Variants in NTN4 observed in about 807,000 individuals in gnomAD.
NTN4 encodes the protein netrin 4.
A neutral mutation model predicts 73.6 loss-of-function variants in NTN4; 32 were observed. The observed-to-expected ratio is 0.44, with a 90% CI of 0.33 to 0.58. The LOEUF (loss-of-function observed/expected upper bound fraction) is 0.58, where lower values mean the gene tolerates loss of function less well. Among genes scored for constraint, NTN4 ranks in the 20% least tolerant of loss-of-function variants. The pLI is 0.04. For missense variants in NTN4, 654 were observed against 798.3 expected (o/e 0.82, Z 2.18); for synonymous variants, 258 against 287.5 (o/e 0.90, Z 1.04).
intron 2 of NTN4, among the ~76,000 whole-genome samples, chr12:95,771,071 G>C (rs570106026): frequency 6.7e-6 from 1 of 149,018 alleles, no homozygotes; most frequent in Non-Finnish European, 1.5e-5. Context: ...CTCACTGCAA[G>C]CTCCGCCTCC....
chr12:95,784,732 ACTC>A (rs2079155647), intron 2 of NTN4, among the ~76,000 whole-genome samples: 1 of 152,028 alleles, frequency 6.6e-6, no homozygotes, highest in African/African-American at 2.4e-5. Flanking sequence ...GTGCCACTGC[ACTC>A]CAGCCTGGGT....
chr12:95,678,981 C>T (rs373281345), intron 7 of NTN4, among the ~76,000 whole-genome samples: 1 of 152,036 alleles, frequency 6.6e-6, no homozygotes, highest in Admixed American at 6.5e-5. Context: ...TAATGAAAGA[C>T]AGGTAAAACC....
chr12:95,684,475 A>ATTTT (rs200316814), intron 5 of NTN4, among the ~76,000 whole-genome samples: 1 of 148,422 alleles, frequency 6.7e-6, no homozygotes, highest in Non-Finnish European at 1.5e-5. Flanking sequence ...CTTAAAAAAA[A>ATTTT]TTTTTTTTTT....
At chr12:95,690,635 A>C in intron 5 of NTN4, among the ~76,000 whole-genome samples, 1 of 152,262 alleles carries the variant, frequency 6.6e-6, no homozygotes, top group South Asian at 2.1e-4. Context: ...ATAATATGCA[A>C]TATGAATATA....
At chr12:95,678,587 T>A (rs2078292540) in intron 7 of NTN4, among the ~76,000 whole-genome samples, 1 of 152,080 alleles carries the variant, frequency 6.6e-6, no homozygotes, top group Admixed American at 6.6e-5. Flanking sequence ...AATTTCAAAC[T>A]ATTTCCATCA....
chr12:95,676,115 T>A (rs1205489747), intron 7 of NTN4, among the ~76,000 whole-genome samples: 2 of 152,212 alleles, frequency 1.3e-5, no homozygotes, highest in Non-Finnish European at 2.9e-5. Flanking sequence ...TTTGTTTTTT[T>A]GTTTTTGAGA....
chr12:95,708,065 T>C (rs1382985954), intron 5 of NTN4, among the ~76,000 whole-genome samples: 1 of 152,106 alleles, frequency 6.6e-6, no homozygotes, highest in Non-Finnish European at 1.5e-5. Context: ...ACCATTTTGT[T>C]AGCACATGGA....
chr12:95,732,239 TC>T, intron 3 of NTN4, among the ~76,000 whole-genome samples: 1 of 83,764 alleles, frequency 1.2e-5, no homozygotes, highest in Middle Eastern at 6.6e-3. Flanking sequence ...TCTTTCTTTC[TC>T]TGTCTTTCTT....
At chr12:95,680,114 A>G (rs752068412) in intron 7 of NTN4, among the ~76,000 whole-genome samples, 8 of 152,112 alleles carry the variant, frequency 5.3e-5, no homozygotes, top group Non-Finnish European at 1.2e-4. Context: ...TTTCTATTAC[A>G]CTAAACATTC....
chr12:95,721,280 C>CTTCA (rs1249792686), intron 3 of NTN4, among the ~76,000 whole-genome samples: 5 of 152,274 alleles, frequency 3.3e-5, no homozygotes, highest in Admixed American at 3.3e-4. Flanking sequence ...GTGTTCTGTG[C>CTTCA]TTGAATGGAT....
At chr12:95,759,494 T>A (rs531205328) in intron 2 of NTN4, among the ~76,000 whole-genome samples, 1 of 150,620 alleles carries the variant, frequency 6.6e-6, no homozygotes, top group Admixed American at 6.6e-5. Flanking sequence ...TATTTTTGTT[T>A]TTTTTTTTTT....
intron 3 of NTN4, among the ~76,000 whole-genome samples, chr12:95,727,913 C>A (rs1457796047): frequency 6.6e-6 from 1 of 152,062 alleles, no homozygotes; most frequent in African/African-American, 2.4e-5. Context: ...TAATATTAAG[C>A]CTTCTAATTA....
chr12:95,771,225 G>A (rs2079057118), intron 2 of NTN4, among the ~76,000 whole-genome samples: 1 of 152,178 alleles, frequency 6.6e-6, no homozygotes. Context: ...TCCTGACCTC[G>A]AGATCTGCCC....
chr12:95,699,641 A>G (rs774237417), intron 5 of NTN4, among the ~76,000 whole-genome samples: 6 of 152,076 alleles, frequency 3.9e-5, no homozygotes, highest in Non-Finnish European at 5.9e-5. Flanking sequence ...AAAAAAAAAA[A>G]AGATCTGGAT....
intron 2 of NTN4, among the ~76,000 whole-genome samples, chr12:95,740,168 C>T (rs117437646): frequency 1.3e-5 from 2 of 152,250 alleles, no homozygotes; most frequent in East Asian, 1.9e-4. Context: ...AGAAAGGAGA[C>T]GCCTTAATCT....
At chr12:95,681,190 A>G (rs2078312757) in intron 7 of NTN4, among the ~76,000 whole-genome samples, 1 of 6,874 alleles carries the variant, frequency 1.5e-4, no homozygotes, top group Non-Finnish European at 4.3e-4. Context: ...CTTTGTCTCA[A>G]AAAAAAAAAA....
At chr12:95,766,295 G>A (rs996223749) in intron 2 of NTN4, among the ~76,000 whole-genome samples, 2 of 152,192 alleles carry the variant, frequency 1.3e-5, no homozygotes, top group Non-Finnish European at 2.9e-5. Flanking sequence ...TATTGGAGTC[G>A]TTGGATGTAA....
Position 95,789,487 on chromosome 12 carries a change from TA to T in NTN4, c.55+767del, listed in dbSNP as rs1178655308. On this transcript the variant is annotated intron_variant, in intron 1 of 9. Coordinates refer to ENST00000343702, the MANE Select transcript of NTN4 (RefSeq NM_021229.4). The surrounding 1 kb of genome is among the most constrained non-coding windows in gnomAD (Gnocchi z 4.0). The stretch of plus-strand genomic sequence containing the variant: ...GAGAGGAGCAGAAGGGGCTCCCGAA[TA>T]CAGAAACCACGAGCCAGGAGCCGGT... Among the ~76,000 whole-genome samples the T allele has an allele frequency of 6.6e-6, 1 of 152,074 alleles. No individual in the cohort carries two copies. Among genetic ancestry groups the T allele is most frequent in the Non-Finnish European group, 1.5e-5 (1 of 68,008 alleles).
intron 7 of NTN4, chr12:95,672,453 T>C (rs1355719332): frequency 1.0e-5 from 15 of 1,471,044 alleles, no homozygotes; most frequent in Non-Finnish European, 1.3e-5. Context: ...ATGTTGGCTA[T>C]GAGTTTGACA....
Sources: gnomAD v4.1 joint callset for allele counts (sites outside exome capture counted in the v4.1 genomes callset) on GRCh38, gnomAD v4.1.1 for gene constraint, Gnocchi (gnomAD v3.1) non-coding constraint, MANE v1.5 for transcripts, NCBI Gene and HGNC (gene_info 2026-07-23, HGNC 2026-07-21) for gene names.